The following MVP variants were observed in gnomAD, a reference collection of about 807,000 sequenced individuals.
The protein encoded by MVP is major vault protein.
Under a neutral mutation model 83.5 loss-of-function variants are expected in MVP, and 62 were observed. That is an observed-to-expected ratio of 0.74 (90% CI 0.61 to 0.92). The LOEUF (loss-of-function observed/expected upper bound fraction) is 0.92, where lower values mean the gene tolerates loss of function less well. MVP is among the 40% of genes least tolerant of loss of function. MVP has a pLI of 0.00. For synonymous variants in MVP, 505 were observed against 504.1 expected (o/e 1.00, Z -0.02); for missense variants, 1,000 against 1,203.4 (o/e 0.83, Z 2.50).
chr16:29,833,637 C>T (rs2067462093), intron 3 of MVP, 96 bp from the exon 4 acceptor site: 3 of 1,542,318 alleles, frequency 1.9e-6, no homozygotes, highest in Non-Finnish European at 2.7e-6. Flanking sequence ...TCAGGACATA[C>T]AGAGATGGAT....
At position 29,839,994 on chromosome 16, in the gene MVP, AG is replaced by A. The variant is rs925629148; in HGVS notation, c.910-182del. On this transcript the variant is annotated intron_variant, in intron 7 of 14. Transcript: ENST00000357402. Reference sequence around the variant, plus strand: ...CACATTTGACCAGATGAGATTTGGCAGGCGTTTGTGTAGAGCCTCACAGTCC... The same window carrying A: ...CACATTTGACCAGATGAGATTTGGCAGCGTTTGTGTAGAGCCTCACAGTCC... The A allele has an allele frequency of 5.4e-5, 30 of 551,308 alleles. No homozygotes were observed. The African/African-American group carries it at 5.8e-4, about 11-fold the overall frequency. The allele number at this position is 551,308 out of a possible 1,614,324, so 34.2% of individuals were successfully genotyped here.
At position 29,840,713 on chromosome 16, in the gene MVP, G is replaced by A. The variant is rs112320118; in HGVS notation, c.1191+254G>A. ...TCTCAGCACTTTGGGAGGCCGAGGC[G>A]GGCGGATCACCTGAGGTCAGGAGTT... On this transcript the variant is annotated intron_variant, in intron 8 of 14. Coordinates refer to ENST00000357402, the MANE Select transcript of MVP (RefSeq NM_005115.5). Among the ~76,000 whole-genome samples, 153 of 152,112 alleles carry A rather than the reference G, an allele frequency of 1.0e-3. 2 individuals are homozygous for A. Among genetic ancestry groups the A allele is most frequent in the Non-Finnish European group, 4.6e-4 (31 of 68,012 alleles).
At chr16:29,830,747 A>C in intron 2 of MVP, 73 bp downstream of exon 2, 1 of 1,588,800 alleles carries the variant, frequency 6.3e-7, no homozygotes, top group Non-Finnish European at 8.6e-7. Flanking sequence ...GATGGTCCTT[A>C]TCCTCCTCCC....
chr16:29,837,629 C>T (rs2067499155), intron 7 of MVP, among the ~76,000 whole-genome samples: 1 of 152,022 alleles, frequency 6.6e-6, no homozygotes, highest in Admixed American at 6.6e-5. Flanking sequence ...TGGCACACAC[C>T]TGTAATTCCA....
chr16:29,847,239 CTGG>C lies in MVP; in HGVS notation c.2310_2312del (p.Val771del). ...GGTCCAGAAGGTCCGAGAGCTGGAA[CTGG>C]TCTATGCCCGGGCCCAGCTGGAGCT... On this transcript the variant is annotated inframe_deletion, in exon 14 of 15. Coordinates refer to ENST00000357402, the MANE Select transcript of MVP (RefSeq NM_005115.5). 6.2e-7 allele frequency: 1 copy of C among 1,613,722 alleles called. No homozygotes were observed. Among genetic ancestry groups the C allele is most frequent in the Non-Finnish European group, 8.5e-7 (1 of 1,180,006 alleles).
chr16:29,846,384 C>A, intron 13 of MVP, 100 bp downstream of exon 13: 1 of 1,426,162 alleles, frequency 7.0e-7, no homozygotes, highest in Non-Finnish European at 9.3e-7. Flanking sequence ...GGTCCCCCAA[C>A]ATAAAGCCCT....
chr16:29,840,129 C>T (rs369713270), intron 7 of MVP, 49 bp from the exon 8 acceptor site: 23 of 1,538,586 alleles, frequency 1.5e-5, no homozygotes, highest in African/African-American at 2.8e-5. Context: ...CCATTGGAAG[C>T]ACCCGCAACC....
rs952084229 is a variant in MVP, at chr16:29,836,893, T to C, written c.844T>C (p.Cys282Arg). Residue 282 changes from cysteine (C) to arginine (R), a missense_variant, in exon 7 of 15, where the codon TGC (cysteine) becomes CGC (arginine). Physicochemically the swap from Cys to Arg is radical, Grantham distance 180 (BLOSUM62 -3). Transcript: ENST00000357402. ...PITTLGPHNY[C>R]VILDPVGPDG... The stretch of plus-strand genomic sequence containing the variant: ...CACCACCCTGGGCCCCCACAACTAC[T>C]GCGTGATTCTCGACCCTGTCGGACC... The C allele has an allele frequency of 1.2e-6, 2 of 1,614,096 alleles. No individual in the cohort carries two copies. Among genetic ancestry groups the C allele is most frequent in the South Asian group, 2.2e-5 (2 of 91,088 alleles).
At position 29,834,016 on chromosome 16, in the gene MVP, T is replaced by C; in HGVS notation, c.527T>C (p.Leu176Pro). The C allele has an allele frequency of 1.2e-6, 2 of 1,613,996 alleles. No homozygotes were observed. The highest frequency in any genetic ancestry group is 1.7e-6 in the Non-Finnish European group (2 of 1,179,956). The change falls in exon 5 of 15, where the codon CTC becomes CCC. Residue 176 changes from leucine (L) to proline (P), a missense_variant. Coordinates refer to ENST00000357402, the MANE Select transcript of MVP (RefSeq NM_005115.5). ...TIIRQNQALR[L>P]RARKECWDRD... is the part of the protein sequence containing the mutation. ...ATCAGGCAGAACCAGGCTCTGCGGC[T>C]CAGGGCCCGCAAGGAGTGCTGGGAC... is the stretch of plus-strand genomic sequence containing the variant.
At chr16:29,840,603 T>A (rs1374324379) in intron 8 of MVP, 144 bp downstream of exon 8, 1 of 935,220 alleles carries the variant, frequency 1.1e-6, no homozygotes, top group Non-Finnish European at 1.6e-6. Context: ...GGGAGGGCAC[T>A]ACGTGGAGTG....
chr16:29,847,962 C>T lies in MVP; in HGVS notation c.2655C>T (p.Asp885=). The part of the protein sequence containing the change: ...QSAQAPQAPG[D]NHVVPVLR ...CTCAGGCCCCTCAAGCTCCTGGAGA[C>T]AACCACGTGGTGCCTGTACTGCGCT... Residue 885 remains aspartate, a synonymous_variant, in exon 15 of 15, where the codon GAC becomes GAT. Coordinates refer to ENST00000357402, the MANE Select transcript of MVP (RefSeq NM_005115.5). 6.2e-7 allele frequency: 1 copy of T among 1,609,758 alleles called. No homozygotes were observed. The highest frequency in any genetic ancestry group is 8.5e-7 in the Non-Finnish European group (1 of 1,178,868).
intron 1 of MVP, among the ~76,000 whole-genome samples, chr16:29,828,425 G>A (rs1233504596): frequency 6.6e-6 from 1 of 152,076 alleles, no homozygotes; most frequent in Non-Finnish European, 1.5e-5. Context: ...TGTTGCCCAG[G>A]CTGGAGTGCA....
intron 1 of MVP, among the ~76,000 whole-genome samples, chr16:29,821,638 C>T (rs1479906676): frequency 1.3e-5 from 2 of 152,196 alleles, no homozygotes; most frequent in Admixed American, 6.5e-5. Flanking sequence ...CCTGAGAAGC[C>T]ACTGCCTCCT....
chr16:29,836,285 ACAAAG>A (rs1411038832), intron 6 of MVP, among the ~76,000 whole-genome samples: 15 of 151,128 alleles, frequency 9.9e-5, no homozygotes, highest in African/African-American at 3.4e-4. Flanking sequence ...AAAAAAAAAA[ACAAAG>A]CCGGTCGGGT....
intron 13 of MVP, among the ~76,000 whole-genome samples, chr16:29,846,516 A>G (rs994416710): frequency 6.6e-6 from 1 of 152,240 alleles, no homozygotes; most frequent in Non-Finnish European, 1.5e-5. Context: ...CCACCTTGGC[A>G]CAAGTGCTGT....
At chr16:29,828,337 A>T (rs1190089193) in intron 1 of MVP, among the ~76,000 whole-genome samples, 1 of 152,158 alleles carries the variant, frequency 6.6e-6, no homozygotes, top group Non-Finnish European at 1.5e-5. Flanking sequence ...GAATATTCTC[A>T]TCATTGTAGA....
Position 29,833,799 on chromosome 16 carries a change from G to A in MVP, c.388G>A (p.Glu130Lys), listed in dbSNP as rs1567390482. 3 of 1,614,100 alleles carry A rather than the reference G, an allele frequency of 1.9e-6. No individual in the cohort carries two copies. The highest frequency in any genetic ancestry group is 4.5e-5 in the East Asian group (2 of 44,876). ...CCATCTAAAGGCGCTGCTTGATTTT[G>A]AGGATAAAGATGGAGACAAGGTGGT... ...ALHLKALLDF[E>K]DKDGDKVVAG... The change falls in exon 4 of 15, where the codon GAG becomes AAG. Residue 130 changes from glutamate to lysine, a missense_variant. Glu to Lys is a moderately conservative substitution (Grantham distance 56, BLOSUM62 1). Coordinates refer to ENST00000357402, the MANE Select transcript of MVP (RefSeq NM_005115.5).
At chr16:29,829,467 A>AG (rs2067426093) in intron 1 of MVP, 1 of 151,306 alleles carries the variant, frequency 6.6e-6, no homozygotes, top group East Asian at 1.9e-4. Flanking sequence ...AAAAAAAAAA[A>AG]AAAAAAAAAA....
chr16:29,831,310 C>T lies in MVP; in HGVS notation c.321+237C>T, dbSNP rs371231902. Among the ~76,000 whole-genome samples the T allele has an allele frequency of 3.4e-4, 51 of 152,208 alleles. No homozygotes were observed. In the East Asian group the frequency reaches 5.2e-3, roughly 16 times the overall value. ...CTGGGATTACAGGCACCCGCCACCA[C>T]GCCCGGCTAATTTTTGTATTTTTAG... is the stretch of plus-strand genomic sequence containing the variant. On this transcript the variant is annotated intron_variant, in intron 3 of 14. Coordinates refer to ENST00000357402, the MANE Select transcript of MVP (RefSeq NM_005115.5).
Sources: allele counts gnomAD v4.1 joint callset (sites outside exome capture counted in the v4.1 genomes callset), GRCh38; gene constraint gnomAD v4.1.1; transcripts MANE v1.5; gene names NCBI Gene and HGNC (gene_info 2026-07-23, HGNC 2026-07-21).